The following MYO5B variants were observed in gnomAD, a reference collection of about 807,000 sequenced individuals.
MYO5B encodes myosin VB.
MYO5B carries 143 observed loss-of-function variants against 229.3 expected under a neutral mutation model. The ratio of observed to expected loss-of-function variants is 0.62; its 90% CI spans 0.54 to 0.72. MYO5B has a LOEUF of 0.72. Ranked by LOEUF, MYO5B falls within the 30% of genes least tolerant of loss-of-function variation. The pLI is 0.00. For synonymous variants in MYO5B, 918 were observed against 885.2 expected, an observed-to-expected ratio of 1.04 and a Z score of -0.66; for missense variants, 2,321 against 2,331.0, an observed-to-expected ratio of 1.00 and a Z score of 0.09.
chr18:49,912,417 C>T (rs1234262611), intron 17 of MYO5B, among the ~76,000 whole-genome samples: 1 of 152,096 alleles, frequency 6.6e-6, no homozygotes, highest in Non-Finnish European at 1.5e-5. Flanking sequence ...GAAGGTACTT[C>T]TTAGAGGACT....
At chr18:50,055,982 A>G (rs1444652805) in intron 1 of MYO5B, among the ~76,000 whole-genome samples, 1 of 152,122 alleles carries the variant, frequency 6.6e-6, no homozygotes, top group Non-Finnish European at 1.5e-5. Flanking sequence ...CAGTGGTGTG[A>G]TCACAGGTCA....
intron 29 of MYO5B, among the ~76,000 whole-genome samples, chr18:49,860,750 T>G (rs183769414): frequency 6.1e-4 from 93 of 152,312 alleles, no homozygotes; most frequent in African/African-American, 2.2e-3. Flanking sequence ...AGGGAGAGGA[T>G]AGATGTCATC....
chr18:50,132,185 C>T lies in MYO5B; in HGVS notation c.27+62582G>A, dbSNP rs534102895. Among the ~76,000 whole-genome samples, 33 of 152,318 alleles carry T rather than the reference C, an allele frequency of 2.2e-4. 1 individual carries two copies. The South Asian group carries it at 6.8e-3, about 32-fold the overall frequency. On this transcript the variant is annotated intron_variant, in intron 1 of 39. Coordinates refer to ENST00000285039, the MANE Select transcript of MYO5B (RefSeq NM_001080467.3). ...TATCCCCCAAACCCTCACTTGCTCT[C>T]CGCTTTGAAACAGTGGCCACGGCAG...
intron 17 of MYO5B, among the ~76,000 whole-genome samples, chr18:49,918,304 T>C (rs1012497548): frequency 6.6e-6 from 1 of 152,244 alleles, no homozygotes; most frequent in Admixed American, 6.5e-5. Flanking sequence ...TGTTTCCTCA[T>C]GAGGGGACTG....
In MYO5B at chr18:50,028,116, A is replaced by G. The variant is rs188378665; in HGVS notation, c.455+8734T>C. ...GGTGATGGTTTCAGGGATGTATACT[A>G]TACAATGTCTAATTGTATGTGCAAT... On this transcript the variant is annotated intron_variant, in intron 4 of 39. Transcript: ENST00000285039. 5.8e-3 allele frequency among the ~76,000 whole-genome samples: 886 copies of G among 152,322 alleles called. 7 individuals are homozygous for G. The highest frequency in any genetic ancestry group is 0.02 in the African/African-American group (829 of 41,558).
At chr18:49,915,461 G>C (rs1256606473) in intron 17 of MYO5B, among the ~76,000 whole-genome samples, 1 of 152,232 alleles carries the variant, frequency 6.6e-6, no homozygotes, top group African/African-American at 2.4e-5. Context: ...GGTCCATGTG[G>C]ATTCCCTTCA....
intron 1 of MYO5B, among the ~76,000 whole-genome samples, chr18:50,103,779 C>T (rs113700273): frequency 0.01 from 1,538 of 151,952 alleles, 28 homozygotes; most frequent in African/African-American, 0.034. Context: ...AGATTCCAAA[C>T]ACCTAGGAAC....
chr18:50,087,253 A>C (rs940793408), intron 1 of MYO5B, among the ~76,000 whole-genome samples: 1 of 152,222 alleles, frequency 6.6e-6, no homozygotes, highest in Non-Finnish European at 1.5e-5. Flanking sequence ...TCTACCCTGG[A>C]TAAAACATCT....
chr18:49,878,556 A>AT (rs1468781003), intron 24 of MYO5B, among the ~76,000 whole-genome samples: 2 of 152,192 alleles, frequency 1.3e-5, no homozygotes, highest in African/African-American at 4.8e-5. Context: ...TGTATACTGC[A>AT]TCTCATCAGA....
At chr18:49,962,481 A>AGTACTGG (rs2144260608) in intron 11 of MYO5B, 75 bp from the exon 12 acceptor site, 2 of 1,594,714 alleles carry the variant, frequency 1.3e-6, no homozygotes, top group South Asian at 2.2e-5. Flanking sequence ...GGGCTCAGTG[A>AGTACTGG]GTTCTGGGTT....
chr18:50,130,967 G>A (rs1341877867), intron 1 of MYO5B, among the ~76,000 whole-genome samples: 1 of 152,168 alleles, frequency 6.6e-6, no homozygotes, highest in Non-Finnish European at 1.5e-5. Flanking sequence ...TTACATGGCA[G>A]AAAAACCTCT....
chr18:49,981,731 C>T (rs570135684), intron 8 of MYO5B, among the ~76,000 whole-genome samples: 5 of 152,300 alleles, frequency 3.3e-5, no homozygotes, highest in Non-Finnish European at 5.9e-5. Context: ...ACACAGGCTG[C>T]AAGTATTTGC....
At chr18:49,932,893 A>G (rs180972892) in intron 16 of MYO5B, among the ~76,000 whole-genome samples, 42 of 152,320 alleles carry the variant, frequency 2.8e-4, no homozygotes, top group Admixed American at 2.5e-3. Flanking sequence ...GTGACTAGGA[A>G]TGGAAAACCA....
intron 18 of MYO5B, among the ~76,000 whole-genome samples, chr18:49,908,198 G>A (rs2024921152): frequency 6.6e-6 from 1 of 152,098 alleles, no homozygotes; most frequent in African/African-American, 2.4e-5. Context: ...CACTTTTTCT[G>A]AACAAGGATT....
intron 22 of MYO5B, among the ~76,000 whole-genome samples, chr18:49,887,424 G>A (rs1394190104): frequency 1.3e-5 from 2 of 151,868 alleles, no homozygotes; most frequent in Non-Finnish European, 2.9e-5. Context: ...CGTTTTCATT[G>A]CCCTAGCGTG....
intron 17 of MYO5B, among the ~76,000 whole-genome samples, chr18:49,925,293 T>C (rs950195407): frequency 6.6e-6 from 1 of 152,246 alleles, no homozygotes; most frequent in Non-Finnish European, 1.5e-5. Context: ...CAGAAAATCT[T>C]TGAATATGCC....
intron 1 of MYO5B, among the ~76,000 whole-genome samples, chr18:50,099,703 G>A (rs1292489908): frequency 2.6e-5 from 4 of 152,168 alleles, no homozygotes; most frequent in African/African-American, 9.7e-5. Flanking sequence ...TGGGGATGAA[G>A]TTCCACATAA....
chr18:50,131,354 AGT>A (rs1477820258), intron 1 of MYO5B, among the ~76,000 whole-genome samples: 3 of 152,122 alleles, frequency 2.0e-5, no homozygotes, highest in Non-Finnish European at 2.9e-5. Flanking sequence ...TTGTACCATG[AGT>A]CTTTGAGCAC....
At chr18:49,898,397 A>G (rs1317684566) in intron 21 of MYO5B, among the ~76,000 whole-genome samples, 2 of 152,238 alleles carry the variant, frequency 1.3e-5, no homozygotes, top group African/African-American at 4.8e-5. Context: ...TAAGTGTCTA[A>G]GGAACTTTAC....
Sources: allele counts gnomAD v4.1 joint callset (sites outside exome capture counted in the v4.1 genomes callset), GRCh38; gene constraint gnomAD v4.1.1; transcripts MANE v1.5; gene names NCBI Gene and HGNC (gene_info 2026-07-23, HGNC 2026-07-21).